The following DIP2B variants were observed in gnomAD, a reference collection of about 807,000 sequenced individuals.
The protein encoded by DIP2B is disco-interacting protein 2 homolog B.
In DIP2B, 76 loss-of-function variants were observed where a neutral mutation model predicts 198.0. The observed-to-expected ratio is 0.38, with a 90% confidence interval of 0.32 to 0.46. DIP2B has a LOEUF of 0.46. DIP2B is among the 20% of genes least tolerant of loss of function. The pLI is 0.99. For missense variants in DIP2B, 1,559 were observed against 1,978.4 expected (o/e 0.79, Z 4.02); for synonymous variants, 701 against 739.1 (o/e 0.95, Z 0.84).
intron 3 of DIP2B, among the ~76,000 whole-genome samples, chr12:50,652,426 A>T (rs1938474052): frequency 1.3e-5 from 2 of 150,364 alleles, no homozygotes; most frequent in Admixed American, 1.3e-4. Context: ...AGTCCCAGCT[A>T]CTTGGGAGGC....
chr12:50,527,195 G>C (rs1958174556), intron 1 of DIP2B, among the ~76,000 whole-genome samples: 1 of 152,138 alleles, frequency 6.6e-6, no homozygotes, highest in African/African-American at 2.4e-5. Flanking sequence ...GCAAATATTG[G>C]TTTTGTTGAA....
Position 50,742,329 on chromosome 12 carries a change from T to G in DIP2B, c.4478+790T>G, listed in dbSNP as rs138601566. 8.4e-3 allele frequency among the ~76,000 whole-genome samples: 1,121 copies of G among 132,810 alleles called. 14 individuals carry two copies. The highest frequency in any genetic ancestry group is 0.031 in the African/African-American group (1,046 of 34,290). 87.1% of individuals were successfully genotyped at this position (132,810 alleles called of 152,430 possible). A position where few individuals can be genotyped will look rare whatever the true frequency, so the allele number is the denominator to read the frequency against. Reference sequence around the variant, plus strand: ...GGAGGATCACTTGAGCCTGGGAGGTTGAGGCTACAGTGAGCCAAGATTGTG... The same window carrying G: ...GGAGGATCACTTGAGCCTGGGAGGTGGAGGCTACAGTGAGCCAAGATTGTG... On this transcript the variant is annotated intron_variant, in intron 37 of 37. Coordinates refer to ENST00000301180, the MANE Select transcript of DIP2B (RefSeq NM_173602.3).
At position 50,509,746 on chromosome 12, in the gene DIP2B, A is replaced by G. The variant is rs552803319; in HGVS notation, c.100+4506A>G. Among the ~76,000 whole-genome samples, 6 of 152,230 alleles carry G rather than the reference A, an allele frequency of 3.9e-5. No homozygotes were observed. In the South Asian group the frequency reaches 1.2e-3, roughly 31 times the overall value. ...AGGGGGCAGTTAGACTTAAGCCACC[A>G]TAAAACTGGTAAATTCCTCCTGCTT... On this transcript the variant is annotated intron_variant, in intron 1 of 37. Transcript: ENST00000301180.
At chr12:50,621,478 A>T (rs1400657177) in intron 1 of DIP2B, among the ~76,000 whole-genome samples, 1 of 152,102 alleles carries the variant, frequency 6.6e-6, no homozygotes, top group Non-Finnish European at 1.5e-5. Flanking sequence ...TGTTTGATTT[A>T]TTATTCTCTC....
intron 1 of DIP2B, among the ~76,000 whole-genome samples, chr12:50,543,147 T>C (rs1388844498): frequency 2.0e-5 from 3 of 152,166 alleles, no homozygotes; most frequent in African/African-American, 7.2e-5. Context: ...GTGATGGGAT[T>C]ATAGGCGTGA....
rs574938327 is a variant in DIP2B at position 50,505,001 on chromosome 12, T to TGGCGGCGGCGGCGGC, written c.-131_-117dup. 7,213 of 650,076 alleles carry TGGCGGCGGCGGCGGC rather than the reference T, an allele frequency of 0.011. 453 individuals carry two copies. Among genetic ancestry groups the TGGCGGCGGCGGCGGC allele is most frequent in the Non-Finnish European group, 0.016 (6,044 of 384,370 alleles). 40.3% of individuals were successfully genotyped at this position (650,076 alleles called of 1,614,324 possible). ...GTCGCGCTCACGTGACCTTTGCTCA[T>TGGCGGCGGCGGCGGC]GGCGGCGGCGGCGGCGGCGGCGGTG... On this transcript the variant is annotated 5_prime_UTR_variant, in exon 1 of 38. Coordinates refer to ENST00000301180, the MANE Select transcript of DIP2B (RefSeq NM_173602.3).
At chr12:50,698,597 C>T (rs1451838011) in intron 18 of DIP2B, 130 bp downstream of exon 18, 31 of 1,124,922 alleles carry the variant, frequency 2.8e-5, no homozygotes, top group Non-Finnish European at 3.5e-5. Context: ...TTTCTCAGAG[C>T]CTCTCTAATA....
intron 1 of DIP2B, among the ~76,000 whole-genome samples, chr12:50,599,710 C>T (rs766998642): frequency 6.6e-6 from 1 of 152,212 alleles, no homozygotes; most frequent in Non-Finnish European, 1.5e-5. Flanking sequence ...TTCATTTTAA[C>T]CAGCTATTCG....
chr12:50,629,606 C>T (rs1012990628), intron 2 of DIP2B, among the ~76,000 whole-genome samples: 1 of 152,130 alleles, frequency 6.6e-6, no homozygotes, highest in African/African-American at 2.4e-5. Flanking sequence ...CTTCCGAGCC[C>T]CCGATCCATA....
intron 23 of DIP2B, 38 bp downstream of exon 23, chr12:50,714,634 C>A: frequency 6.2e-7 from 1 of 1,609,434 alleles, no homozygotes; most frequent in Non-Finnish European, 8.5e-7. Flanking sequence ...ACTAAAATTC[C>A]AACTTCAAGA....
intron 1 of DIP2B, among the ~76,000 whole-genome samples, chr12:50,553,309 T>C (rs1244871425): frequency 6.6e-6 from 1 of 152,230 alleles, no homozygotes; most frequent in African/African-American, 2.4e-5. Context: ...TGTGTGATCA[T>C]TTGAATATCT....
intron 2 of DIP2B, among the ~76,000 whole-genome samples, chr12:50,629,223 G>T (rs372647130): frequency 6.6e-6 from 1 of 152,034 alleles, no homozygotes; most frequent in Non-Finnish European, 1.5e-5. Context: ...TGCTGCTCCT[G>T]GTCTTTCTTA....
At position 50,718,759 on chromosome 12, in the gene DIP2B, A is replaced by G; in HGVS notation, c.2902A>G (p.Ile968Val). The G allele has an allele frequency of 1.9e-6, 3 of 1,614,214 alleles. No individual in the cohort carries two copies. The highest frequency in any genetic ancestry group is 1.7e-6 in the Non-Finnish European group (2 of 1,180,036). ...MVGNLVAGKRIAQAAGRDLGQ... is the reference protein window; with the variant it reads ...MVGNLVAGKRVAQAAGRDLGQ... ...TGGGAATCTGGTTGCTGGAAAACGT[A>G]TAGCACAAGCTGCTGGAAGGGATCT... Residue 968 changes from isoleucine to valine, a missense_variant, in exon 24 of 38, where the codon ATA becomes GTA. Transcript: ENST00000301180.
intron 1 of DIP2B, among the ~76,000 whole-genome samples, chr12:50,564,507 C>CT (rs1958546708): frequency 6.6e-6 from 1 of 152,106 alleles, no homozygotes; most frequent in Non-Finnish European, 1.5e-5. Context: ...TAATTGTTGT[C>CT]TATCTGATGG....
chr12:50,621,884 G>A (rs1937819136), intron 1 of DIP2B, among the ~76,000 whole-genome samples: 1 of 152,182 alleles, frequency 6.6e-6, no homozygotes, highest in Non-Finnish European at 1.5e-5. Flanking sequence ...ATCTGATGGA[G>A]CTAATTGGCA....
chr12:50,589,177 C>G (rs1375457414), intron 1 of DIP2B, among the ~76,000 whole-genome samples: 6 of 151,086 alleles, frequency 4.0e-5, no homozygotes, highest in African/African-American at 1.5e-4. Context: ...GGGCAAGACT[C>G]TGTCTCAAAA....
intron 1 of DIP2B, among the ~76,000 whole-genome samples, chr12:50,612,466 C>T (rs1356548755): frequency 2.1e-5 from 3 of 143,778 alleles, no homozygotes; most frequent in African/African-American, 5.1e-5. Context: ...CTTGCTCTGT[C>T]CCCCCAGGCT....
chr12:50,601,822 A>G (rs1232495031), intron 1 of DIP2B, among the ~76,000 whole-genome samples: 2 of 152,038 alleles, frequency 1.3e-5, no homozygotes, highest in African/African-American at 2.4e-5. Context: ...TAGCTGTTAA[A>G]TCTTACCCTA....
intron 35 of DIP2B, among the ~76,000 whole-genome samples, chr12:50,738,022 C>T (rs1373980706): frequency 1.3e-5 from 2 of 152,070 alleles, no homozygotes; most frequent in Non-Finnish European, 1.5e-5. Context: ...TTTCTTGGGG[C>T]CTCAGTTTCC....
Sources: allele counts gnomAD v4.1 joint callset (sites outside exome capture counted in the v4.1 genomes callset), GRCh38; gene constraint gnomAD v4.1.1; transcripts MANE v1.5; gene names NCBI Gene and HGNC (gene_info 2026-07-23, HGNC 2026-07-21).